ANKRD18B: variants seen among roughly 807,000 people sequenced by gnomAD.
The protein encoded by ANKRD18B is ankyrin repeat domain 18B.
A neutral mutation model predicts 111.8 loss-of-function variants in ANKRD18B; 75 were observed. The ratio of observed to expected loss-of-function variants is 0.67; its 90% CI spans 0.56 to 0.81. The LOEUF (loss-of-function observed/expected upper bound fraction) is 0.81, where lower values mean the gene tolerates loss of function less well. ANKRD18B is among the 40% of genes least tolerant of loss of function. The pLI is 0.00. For missense variants in ANKRD18B, 1,038 were observed against 1,225.5 expected (o/e 0.85, Z 2.28); for synonymous variants, 356 against 417.3 (o/e 0.85, Z 1.79).
At chr9:33,570,978 T>C (rs538700784) in intron 17 of ANKRD18B, among the ~76,000 whole-genome samples, 92 of 152,332 alleles carry the variant, frequency 6.0e-4, no homozygotes, top group African/African-American at 2.1e-3. Flanking sequence ...CTTTCTAAAA[T>C]TATGTATATC....
intron 4 of ANKRD18B, 185 bp downstream of exon 4, chr9:33,533,730 A>G (rs2117995729): frequency 8.2e-7 from 1 of 1,222,794 alleles, no homozygotes; most frequent in East Asian, 3.0e-5. Context: ...AAAAAACAGT[A>G]TATAGTAGGA....
At chr9:33,547,417 C>T (rs1315802070) in intron 10 of ANKRD18B, among the ~76,000 whole-genome samples, 1 of 152,004 alleles carries the variant, frequency 6.6e-6, no homozygotes, top group Admixed American at 6.6e-5. Context: ...TTACAACTGA[C>T]TAAAAAATGT....
intron 14 of ANKRD18B, among the ~76,000 whole-genome samples, chr9:33,559,413 G>A (rs1400597078): frequency 1.3e-5 from 2 of 151,940 alleles, no homozygotes; most frequent in African/African-American, 4.8e-5. Flanking sequence ...ATTTTTTTCA[G>A]CTTCTTCTCT....
intron 10 of ANKRD18B, among the ~76,000 whole-genome samples, chr9:33,546,205 T>C (rs1170333650): frequency 6.6e-6 from 1 of 152,176 alleles, no homozygotes; most frequent in Admixed American, 6.6e-5. Flanking sequence ...TGAAAATGTA[T>C]CTGACCTTGA....
At chr9:33,528,906 G>A in intron 2 of ANKRD18B, 65 bp downstream of exon 2, 2 of 1,561,486 alleles carry the variant, frequency 1.3e-6, no homozygotes, top group Non-Finnish European at 1.7e-6. Flanking sequence ...AAATGAATTT[G>A]TCTCATTTAA....
In ANKRD18B at chr9:33,548,021, A is replaced by G; in HGVS notation, c.1233A>G (p.Glu411=). The G allele has an allele frequency of 2.6e-6, 4 of 1,526,480 alleles. No homozygotes were observed. Among genetic ancestry groups the G allele is most frequent in the Non-Finnish European group, 3.5e-6 (4 of 1,138,974 alleles). 94.6% of individuals were successfully genotyped at this position (1,526,480 alleles called of 1,614,324 possible). ...GAGACATTGCCATGCTCAAAGAGGA[A>G]TTATATGCAATAAAAAATGACAGTC... is the stretch of plus-strand genomic sequence containing the variant. ...LKRDIAMLKE[E]LYAIKNDSLR... is the part of the protein sequence containing the mutation. The change falls in exon 11 of 19, where the codon GAA becomes GAG. Residue 411 remains glutamate, a synonymous_variant. Transcript: ENST00000684830.
At chr9:33,525,017 G>GT (rs1211844292) in intron 1 of ANKRD18B, among the ~76,000 whole-genome samples, 4 of 152,208 alleles carry the variant, frequency 2.6e-5, no homozygotes, top group Non-Finnish European at 5.9e-5. Context: ...ATAAAACCCT[G>GT]TGTCGGTTTT....
intron 6 of ANKRD18B, among the ~76,000 whole-genome samples, chr9:33,537,444 AACCGT>A (rs1216444964): frequency 6.6e-6 from 1 of 152,178 alleles, no homozygotes; most frequent in Non-Finnish European, 1.5e-5. Context: ...CTCAATCTCA[AACCGT>A]ATTGTCTGAA....
chr9:33,548,376 G>T lies in ANKRD18B; in HGVS notation c.1588G>T (p.Gly530Cys), dbSNP rs574170027. The change falls in exon 11 of 19, where the codon GGT becomes TGT. Residue 530 changes from glycine (G) to cysteine (C), a missense_variant. Coordinates refer to ENST00000684830, the MANE Select transcript of ANKRD18B (RefSeq NM_001393611.1). ...ADDVSRHETM[G>C]SNISQLTDKN... Reference sequence around the variant, plus strand: ...TGATGTTTCTAGACATGAAACAATGGGTTCTAATATTTCTCAACTAACAGA... The same window carrying T: ...TGATGTTTCTAGACATGAAACAATGTGTTCTAATATTTCTCAACTAACAGA... 1 of 1,550,226 alleles carries T rather than the reference G, an allele frequency of 6.5e-7. No homozygotes were observed. Among genetic ancestry groups the T allele is most frequent in the African/African-American group, 1.4e-5 (1 of 73,046 alleles).
At chr9:33,564,839 C>CT (rs201894775) in intron 14 of ANKRD18B, among the ~76,000 whole-genome samples, 16 of 151,602 alleles carry the variant, frequency 1.1e-4, no homozygotes, top group Non-Finnish European at 1.8e-4. Flanking sequence ...ATTTGTATTT[C>CT]TTTTTTTTCT....
rs530818306 is a variant in ANKRD18B, at chr9:33,524,767, C to G, written c.206+72C>G. The G allele has an allele frequency of 4.7e-6, 7 of 1,488,390 alleles. No homozygotes were observed. The East Asian group carries it at 1.8e-4, about 37-fold the overall frequency. The allele number at this position is 1,488,390 out of a possible 1,614,324, so 92.2% of individuals were successfully genotyped here. On this transcript the variant is annotated intron_variant, in intron 1 of 18. Coordinates refer to ENST00000684830, the MANE Select transcript of ANKRD18B (RefSeq NM_001393611.1). Reference sequence around the variant, plus strand: ...TTCCCCGCACCGCCTGAGGCGGGGTCGTCGGAGTTCGCCGGGACCCTGGGA... The same window carrying G: ...TTCCCCGCACCGCCTGAGGCGGGGTGGTCGGAGTTCGCCGGGACCCTGGGA...
intron 4 of ANKRD18B, 150 bp downstream of exon 4, chr9:33,533,695 A>G: frequency 2.9e-6 from 4 of 1,389,336 alleles, no homozygotes; most frequent in Non-Finnish European, 3.7e-6. Context: ...CAGGTAGAAA[A>G]GAAGTTATTT....
chr9:33,566,452 T>G lies in ANKRD18B; in HGVS notation c.2694T>G (p.Asp898Glu). 6.2e-7 allele frequency: 1 copy of G among 1,610,066 alleles called. No homozygotes were observed. Among genetic ancestry groups the G allele is most frequent in the Non-Finnish European group, 8.5e-7 (1 of 1,179,198 alleles). ...TACAAGAATATAAATCGGAGCTGGA[T>G]GAAAGGGCAATGCAGGCAATAGAAA... ...GKVQEYKSELDERAMQAIEKL... is the reference protein window; with the variant it reads ...GKVQEYKSELEERAMQAIEKL... Residue 898 changes from aspartate to glutamate, a missense_variant, in exon 15 of 19, where the codon GAT (aspartate) becomes GAG (glutamate). Transcript: ENST00000684830.
chr9:33,559,608 A>AT (rs1828577105), intron 14 of ANKRD18B, among the ~76,000 whole-genome samples: 1 of 152,096 alleles, frequency 6.6e-6, no homozygotes, highest in African/African-American at 2.4e-5. Flanking sequence ...GCAGTGACAG[A>AT]TTTTTCATTT....
At chr9:33,529,771 A>G (rs2117977114) in intron 3 of ANKRD18B, among the ~76,000 whole-genome samples, 1 of 152,336 alleles carries the variant, frequency 6.6e-6, no homozygotes, top group Middle Eastern at 3.4e-3. Context: ...TTGGTTTGGT[A>G]AAAAGAGTGA....
intron 12 of ANKRD18B, among the ~76,000 whole-genome samples, chr9:33,552,415 G>A (rs1332429182): frequency 1.3e-5 from 2 of 152,206 alleles, no homozygotes; most frequent in African/African-American, 4.8e-5. Context: ...CAGAGTACTC[G>A]TGAAGGCAGT....
At chr9:33,556,479 G>C (rs1308578464) in intron 13 of ANKRD18B, among the ~76,000 whole-genome samples, 1 of 152,086 alleles carries the variant, frequency 6.6e-6, no homozygotes, top group African/African-American at 2.4e-5. Context: ...GGTCAGGCTG[G>C]TCTCGAACTC....
rs200466095 is a variant in ANKRD18B at position 33,548,179 on chromosome 9, A to G, written c.1391A>G (p.Asp464Gly). Residue 464 changes from aspartate to glycine, a missense_variant, in exon 11 of 19, where the codon GAT (aspartate) becomes GGT (glycine). By Grantham distance (94) the Asp-to-Gly change is moderately conservative. Around this residue, in one of 4 missense-constraint regions of ANKRD18B, gnomAD observed 205 missense variants for 201.3 expected, o/e 1.02. Transcript: ENST00000684830. Reference sequence around the variant, plus strand: ...GCCCAGTATTCGCAACAGCTTAATGATCTGAAAGCTGAGAATGCAAGGCTG... The same window carrying G: ...GCCCAGTATTCGCAACAGCTTAATGGTCTGAAAGCTGAGAATGCAAGGCTG... ...KVAQYSQQLN[D>G]LKAENARLNS... 60 of 1,547,724 alleles carry G rather than the reference A, an allele frequency of 3.9e-5. No individual in the cohort carries two copies. Among genetic ancestry groups the G allele is most frequent in the Middle Eastern group, 3.3e-4 (2 of 5,984 alleles).
intron 16 of ANKRD18B, among the ~76,000 whole-genome samples, chr9:33,568,328 C>CCCTTT (rs2118138728): frequency 6.6e-6 from 1 of 152,258 alleles, no homozygotes; most frequent in East Asian, 1.9e-4. Flanking sequence ...CCTTTAAATA[C>CCCTTT]AAGTATATCT....
Sources: gnomAD v4.1 joint callset for allele counts (sites outside exome capture counted in the v4.1 genomes callset) on GRCh38, gnomAD v4.1.1 for gene constraint, gnomAD v4.1.1 regional missense constraint, MANE v1.5 for transcripts, NCBI Gene and HGNC (gene_info 2026-07-23, HGNC 2026-07-21) for gene names.